The following SNX31 variants were observed in gnomAD, a reference collection of about 807,000 sequenced individuals.
The protein encoded by SNX31 is sorting nexin 31.
Under a neutral mutation model 65.4 loss-of-function variants are expected in SNX31, and 58 were observed. The observed-to-expected ratio is 0.89, with a 90% CI of 0.72 to 1.10. The LOEUF is 1.10. Among genes scored for constraint, SNX31 ranks in the 50% least tolerant of loss-of-function variants. The pLI, the probability that SNX31 is intolerant of heterozygous loss-of-function variation, is 0.00. For synonymous variants in SNX31, 181 were observed against 190.1 expected, an observed-to-expected ratio of 0.95 and a Z score of 0.39; for missense variants, 523 against 529.7, an observed-to-expected ratio of 0.99 and a Z score of 0.12.
chr8:100,622,966 GCACT>G lies in SNX31; in HGVS notation c.322-5240_322-5237del, dbSNP rs1249014646. ...AGGATGGACAAATCAGTTGGCAGCT[GCACT>G]CACCTTCCTTCCACCTTCTATCACA... On this transcript the variant is annotated intron_variant, in intron 4 of 13. Transcript: ENST00000311812. This position sits in a 1 kb window ranked among gnomAD's most constrained non-coding sequence, Gnocchi z 5.0. Among the ~76,000 whole-genome samples, 1 of 152,214 alleles carries G rather than the reference GCACT, an allele frequency of 6.6e-6. No individual in the cohort carries two copies. Among genetic ancestry groups the G allele is most frequent in the East Asian group, 1.9e-4 (1 of 5,206 alleles).
chr8:100,600,265 T>G, intron 9 of SNX31, 84 bp downstream of exon 9: 1 of 1,153,800 alleles, frequency 8.7e-7, no homozygotes, highest in Non-Finnish European at 1.3e-6. Context: ...TTGGTAGGTT[T>G]ATCAGTTACA....
chr8:100,602,128 G>A lies in SNX31; in HGVS notation c.682-1687C>T, dbSNP rs547394946. ...CGCGCCCGTCGTCTCAGTGTGCCTTGCCCAGTGTCTTACATATGGCAATGC... is the reference window on the plus strand; with the variant it reads ...CGCGCCCGTCGTCTCAGTGTGCCTTACCCAGTGTCTTACATATGGCAATGC... On this transcript the variant is annotated intron_variant, in intron 8 of 13. Coordinates refer to ENST00000311812, the MANE Select transcript of SNX31 (RefSeq NM_152628.4). Among the ~76,000 whole-genome samples, 19 of 152,340 alleles carry A rather than the reference G, an allele frequency of 1.2e-4. No homozygotes were observed. In the South Asian group the frequency reaches 3.3e-3, roughly 27 times the overall value.
Position 100,630,857 on chromosome 8 carries a change from G to A in SNX31, c.257-466C>T, listed in dbSNP as rs985740509. ...GGCTGGAGTGTAGTGGCGTGAGCTC[G>A]GCTCACTGCAATGTCCGTCTCCTGG... On this transcript the variant is annotated intron_variant, in intron 3 of 13. Coordinates refer to ENST00000311812, the MANE Select transcript of SNX31 (RefSeq NM_152628.4). The surrounding 1 kb of genome is among the most constrained non-coding windows in gnomAD (Gnocchi z 5.3). Among the ~76,000 whole-genome samples, 4 of 152,076 alleles carry A rather than the reference G, an allele frequency of 2.6e-5. No homozygotes were observed. Among genetic ancestry groups the A allele is most frequent in the Admixed American group, 6.5e-5 (1 of 15,276 alleles).
At chr8:100,598,094 A>G (rs1389462713) in intron 9 of SNX31, among the ~76,000 whole-genome samples, 2 of 152,216 alleles carry the variant, frequency 1.3e-5, no homozygotes, top group Admixed American at 1.3e-4. Context: ...TGATACAGTG[A>G]AACAGGCTGA....
rs1002266579 is a variant in SNX31, at chr8:100,604,368, G to T, written c.682-3927C>A. ...CACGCTCTAGTGTCCTCTGCAGAGG[G>T]CACAGTAGTGAGAAATAGAGGTCAT... On this transcript the variant is annotated intron_variant, in intron 8 of 13. Coordinates refer to ENST00000311812, the MANE Select transcript of SNX31 (RefSeq NM_152628.4). The surrounding 1 kb of genome is among the most constrained non-coding windows in gnomAD (Gnocchi z 4.3). 6.6e-6 allele frequency among the ~76,000 whole-genome samples: 1 copy of T among 152,258 alleles called. No homozygotes were observed. Among genetic ancestry groups the T allele is most frequent in the African/African-American group, 2.4e-5 (1 of 41,472 alleles).
Position 100,629,323 on chromosome 8 carries a change from C to G in SNX31, c.321+1004G>C, listed in dbSNP as rs1224496356. Among the ~76,000 whole-genome samples the G allele has an allele frequency of 6.6e-6, 1 of 152,132 alleles. No individual in the cohort carries two copies. Among genetic ancestry groups the G allele is most frequent in the African/African-American group, 2.4e-5 (1 of 41,434 alleles). On this transcript the variant is annotated intron_variant, in intron 4 of 13. Transcript: ENST00000311812. This position sits in a 1 kb window ranked among gnomAD's most constrained non-coding sequence, Gnocchi z 5.1. ...GTTACTTTTCATTGTATACGCTTGG[C>G]TATTTGAATTTTACTATCATCACCA...
chr8:100,659,706 C>G (rs139898450), intron 1 of SNX31, among the ~76,000 whole-genome samples: 3 of 152,134 alleles, frequency 2.0e-5, no homozygotes, highest in Non-Finnish European at 2.9e-5. Flanking sequence ...TTTCCTCAAC[C>G]CCAAGACAAA....
chr8:100,618,144 A>G lies in SNX31; in HGVS notation c.322-414T>C, dbSNP rs555047449. ...TCCTTTTTTGGTGCTCTTCTAGCAT[A>G]TGGTACCCAAAGTTCCCAAGAGACA... On this transcript the variant is annotated intron_variant, in intron 4 of 13. Coordinates refer to ENST00000311812, the MANE Select transcript of SNX31 (RefSeq NM_152628.4). 1.3e-4 allele frequency: 127 copies of G among 985,344 alleles called. No individual in the cohort carries two copies. In the African/African-American group the frequency reaches 2.0e-3, roughly 16 times the overall value. 61.0% of individuals were successfully genotyped at this position (985,344 alleles called of 1,614,324 possible).
upstream of SNX31, among the ~76,000 whole-genome samples, chr8:100,654,175 T>G (rs1820021780): frequency 6.6e-6 from 1 of 151,892 alleles, no homozygotes; most frequent in Non-Finnish European, 1.5e-5. Context: ...CCCGGCTAAT[T>G]TTTTAATTTT....
At position 100,612,938 on chromosome 8, in the gene SNX31, C is replaced by T. The variant is rs562633159; in HGVS notation, c.523+57G>A. The T allele has an allele frequency of 2.7e-6, 4 of 1,481,594 alleles. No homozygotes were observed. The African/African-American group carries it at 4.2e-5, about 15-fold the overall frequency. The allele number at this position is 1,481,594 out of a possible 1,614,324, so 91.8% of individuals were successfully genotyped here. A position where few individuals can be genotyped will look rare whatever the true frequency, so the allele number is the denominator to read the frequency against. Reference sequence around the variant, plus strand: ...CCTCAGCTGTGACTCCTATGAGCCCCTGCTCACACCTGTCCACCCCATCTC... The same window carrying T: ...CCTCAGCTGTGACTCCTATGAGCCCTTGCTCACACCTGTCCACCCCATCTC... On this transcript the variant is annotated intron_variant, in intron 6 of 13. Transcript: ENST00000311812. This position sits in a 1 kb window ranked among gnomAD's most constrained non-coding sequence, Gnocchi z 4.3.
chr8:100,661,007 A>ATTTTT lies in SNX31; in HGVS notation c.-58+2130_-58+2134dup, dbSNP rs10641759. Among the ~76,000 whole-genome samples the ATTTTT allele has an allele frequency of 4.6e-3, 651 of 140,578 alleles. 6 individuals carry two copies. The highest frequency in any genetic ancestry group is 0.015 in the African/African-American group (554 of 37,428). The allele number at this position is 140,578 out of a possible 152,430, so 92.2% of individuals were successfully genotyped here. A position where few individuals can be genotyped will look rare whatever the true frequency, so the allele number is the denominator to read the frequency against. ...CTACCTGCCAGAAAAGCAGGTCGAT[A>ATTTTT]TTTTTTTTTTTTTTTTGAGACAGGG... On this transcript the variant is annotated intron_variant, in intron 1 of 5. Transcript: ENST00000520352.
intron 11 of SNX31, among the ~76,000 whole-genome samples, chr8:100,586,362 T>A (rs1293755650): frequency 6.6e-6 from 1 of 152,200 alleles, no homozygotes; most frequent in Admixed American, 6.5e-5. Context: ...TCCATAAAAA[T>A]TATAATGTTT....
intron 2 of SNX31, among the ~76,000 whole-genome samples, chr8:100,645,844 C>T (rs1383817144): frequency 6.6e-6 from 1 of 152,160 alleles, no homozygotes; most frequent in Non-Finnish European, 1.5e-5. Context: ...CTCCCGAGCT[C>T]AGGCAGTCCA....
At chr8:100,635,727 G>T (rs1336754030) in intron 3 of SNX31, among the ~76,000 whole-genome samples, 170 bp downstream of exon 3, 1 of 151,994 alleles carries the variant, frequency 6.6e-6, no homozygotes, top group African/African-American at 2.4e-5. Context: ...TGGGTATGAG[G>T]TTTCTTTTGG....
intron 1 of SNX31, among the ~76,000 whole-genome samples, chr8:100,661,092 G>A (rs1427572611): frequency 3.4e-5 from 5 of 146,674 alleles, no homozygotes; most frequent in African/African-American, 1.3e-4. Context: ...TGCAACCTCC[G>A]CCTCCCAGGT....
In SNX31 at chr8:100,614,523, C is replaced by T. The variant is rs759048095; in HGVS notation, c.433-1438G>A. On this transcript the variant is annotated intron_variant, in intron 5 of 13. Transcript: ENST00000311812. The surrounding 1 kb of genome is among the most constrained non-coding windows in gnomAD (Gnocchi z 5.1). ...CAAATGTTAATGATGATTCAAAACA[C>T]GAACGCCATCACTAGCACCACAGTA... Among the ~76,000 whole-genome samples, 3 of 152,142 alleles carry T rather than the reference C, an allele frequency of 2.0e-5. No homozygotes were observed. The highest frequency in any genetic ancestry group is 2.1e-4 in the South Asian group (1 of 4,826).
Position 100,626,386 on chromosome 8 carries a change from C to A in SNX31, c.321+3941G>T, listed in dbSNP as rs1818043148. Among the ~76,000 whole-genome samples the A allele has an allele frequency of 6.6e-6, 1 of 152,146 alleles. No homozygotes were observed. The highest frequency in any genetic ancestry group is 6.6e-5 in the Admixed American group (1 of 15,266). ...AGGCCATCTCACTACTTAGCCTGAA[C>A]TCTTAACCCCTAGACCAGGTCGGGG... On this transcript the variant is annotated intron_variant, in intron 4 of 13. Coordinates refer to ENST00000311812, the MANE Select transcript of SNX31 (RefSeq NM_152628.4). The surrounding 1 kb of genome is among the most constrained non-coding windows in gnomAD (Gnocchi z 4.4).
At position 100,626,470 on chromosome 8, in the gene SNX31, G is replaced by A. The variant is rs754263175; in HGVS notation, c.321+3857C>T. On this transcript the variant is annotated intron_variant, in intron 4 of 13. Coordinates refer to ENST00000311812, the MANE Select transcript of SNX31 (RefSeq NM_152628.4). This position sits in a 1 kb window ranked among gnomAD's most constrained non-coding sequence, Gnocchi z 4.4. ...GGCTAGATCATGATATGAGGAGCTG[G>A]GGTTTAAAGCTTTGCTGCTAGACAG... Among the ~76,000 whole-genome samples, 1 of 152,156 alleles carries A rather than the reference G, an allele frequency of 6.6e-6. No homozygotes were observed. Among genetic ancestry groups the A allele is most frequent in the Non-Finnish European group, 1.5e-5 (1 of 68,026 alleles).
chr8:100,588,873 G>T lies in SNX31; in HGVS notation c.1085C>A (p.Thr362Asn). 1 of 1,611,544 alleles carries T rather than the reference G, an allele frequency of 6.2e-7. No individual in the cohort carries two copies. The highest frequency in any genetic ancestry group is 8.5e-7 in the Non-Finnish European group (1 of 1,177,810). The change falls in exon 11 of 14, where the codon ACC becomes AAC. Residue 362 changes from threonine to asparagine, a missense_variant. Physicochemically the swap from Thr to Asn is moderately conservative, Grantham distance 65. Coordinates refer to ENST00000311812, the MANE Select transcript of SNX31 (RefSeq NM_152628.4). The surrounding 1 kb of genome is among the most constrained non-coding windows in gnomAD (Gnocchi z 4.8). The part of the protein sequence containing the change: ...DSCWQWFVIY[T>N]KQAFLLSSCL... ...TCTGCCCTGAGAACTCACCTGTTTG[G>T]TGTAAATAACAAACCACTGCCAGCA...
Sources: gnomAD v4.1 joint callset for allele counts (sites outside exome capture counted in the v4.1 genomes callset) on GRCh38, gnomAD v4.1.1 for gene constraint, Gnocchi (gnomAD v3.1) non-coding constraint, MANE v1.5 for transcripts, NCBI Gene and HGNC (gene_info 2026-07-23, HGNC 2026-07-21) for gene names.